ERBIN: variants seen among roughly 807,000 people sequenced by gnomAD.
The protein encoded by ERBIN is densin-180-like protein.
In ERBIN, 60 loss-of-function variants were observed where a neutral mutation model predicts 158.4. The ratio of observed to expected loss-of-function variants is 0.38; its 90% CI spans 0.31 to 0.47. The LOEUF (loss-of-function observed/expected upper bound fraction) is 0.47. Among genes scored for constraint, ERBIN ranks in the 20% least tolerant of loss-of-function variants. The pLI, the probability that ERBIN is intolerant of heterozygous loss-of-function variation, is 0.99. For synonymous variants in ERBIN, 594 were observed against 557.2 expected (o/e 1.07, Z -0.93); for missense variants, 1,610 against 1,648.0 (o/e 0.98, Z 0.40).
chr5:65,982,286 A>C (rs773858510), intron 1 of ERBIN, among the ~76,000 whole-genome samples: 2 of 152,214 alleles, frequency 1.3e-5, no homozygotes, highest in Non-Finnish European at 2.9e-5. Context: ...TAACCTGTCC[A>C]TCCTCTCCTC....
intron 4 of ERBIN, among the ~76,000 whole-genome samples, chr5:66,008,433 A>AT (rs1753851907): frequency 6.6e-6 from 1 of 152,142 alleles, no homozygotes; most frequent in South Asian, 2.1e-4. Flanking sequence ...TAAATAAATA[A>AT]TTATGAAGTA....
intron 14 of ERBIN, among the ~76,000 whole-genome samples, chr5:66,031,531 T>C (rs1756876398): frequency 6.6e-6 from 1 of 152,214 alleles, no homozygotes; most frequent in Non-Finnish European, 1.5e-5. Context: ...GCCTGAATTA[T>C]CTCTCAAAAG....
chr5:66,072,289 A>G lies in ERBIN; in HGVS notation c.3754A>G (p.Lys1252Glu). The change falls in exon 22 of 26, where the codon AAA becomes GAA. Residue 1252 changes from lysine (K) to glutamate (E), a missense_variant and splice_region_variant. Around this residue, in one of 2 missense-constraint regions of ERBIN, gnomAD observed 1,014 missense variants for 936.1 expected, o/e 1.08. Coordinates refer to ENST00000284037, the MANE Select transcript of ERBIN (RefSeq NM_001253697.2). Reference sequence around the variant, plus strand: ...AGATGTTCCTCCAGACAGCTTGATGAAAGTGGGTGCTCGGGAAAACAAAAT... The same window carrying G: ...AGATGTTCCTCCAGACAGCTTGATGGAAGTGGGTGCTCGGGAAAACAAAAT... ...HKDVPPDSLM[K>E]MPLSNGQMGQ... The G allele has an allele frequency of 1.3e-6, 2 of 1,549,986 alleles. No individual in the cohort carries two copies. The highest frequency in any genetic ancestry group is 2.4e-5 in the East Asian group (1 of 40,834).
chr5:65,991,008 G>C (rs947158573), intron 2 of ERBIN, among the ~76,000 whole-genome samples: 4 of 152,042 alleles, frequency 2.6e-5, no homozygotes, highest in African/African-American at 9.7e-5. Flanking sequence ...TGCCTGCCTT[G>C]GTCTCCCAAA....
At chr5:65,980,345 G>A (rs1750517291) in intron 1 of ERBIN, among the ~76,000 whole-genome samples, 1 of 151,966 alleles carries the variant, frequency 6.6e-6, no homozygotes, top group Non-Finnish European at 1.5e-5. Context: ...GGAGAATCGG[G>A]TGAACCTGGG....
intron 4 of ERBIN, among the ~76,000 whole-genome samples, chr5:66,002,614 A>G (rs1268351165): frequency 1.3e-5 from 2 of 152,214 alleles, no homozygotes; most frequent in South Asian, 2.1e-4. Context: ...TAACCAAGGT[A>G]TTTCTTTTTA....
intron 21 of ERBIN, among the ~76,000 whole-genome samples, chr5:66,066,341 T>G (rs999529705): frequency 2.6e-5 from 4 of 152,090 alleles, no homozygotes; most frequent in African/African-American, 9.7e-5. Context: ...AATGGCAAAG[T>G]AGACATTTAA....
intron 7 of ERBIN, among the ~76,000 whole-genome samples, chr5:66,019,729 A>G (rs1226184110): frequency 2.0e-5 from 3 of 152,106 alleles, no homozygotes; most frequent in Non-Finnish European, 4.4e-5. Context: ...TATCATCTGT[A>G]ATTGAATTTT....
Position 65,992,925 on chromosome 5 carries a change from T to C in ERBIN, c.189+18T>C. 6.7e-7 allele frequency: 1 copy of C among 1,502,472 alleles called. No individual in the cohort carries two copies. The highest frequency in any genetic ancestry group is 8.9e-7 in the Non-Finnish European group (1 of 1,117,896). 93.1% of individuals were successfully genotyped at this position (1,502,472 alleles called of 1,614,324 possible). On this transcript the variant is annotated intron_variant, in intron 3 of 25. Transcript: ENST00000284037. The stretch of plus-strand genomic sequence containing the variant: ...TTCCAAAGGTATGCTAATACTTTCT[T>C]TCAAGAATTATCTTTGGTTATTTTT...
intron 14 of ERBIN, among the ~76,000 whole-genome samples, chr5:66,031,977 G>C (rs552215928): frequency 6.6e-6 from 1 of 151,888 alleles, no homozygotes; most frequent in Non-Finnish European, 1.5e-5. Flanking sequence ...GAGTATCTGG[G>C]ATTATAGGCC....
intron 1 of ERBIN, among the ~76,000 whole-genome samples, chr5:65,973,269 G>A (rs544984938): frequency 2.5e-4 from 38 of 151,100 alleles, no homozygotes; most frequent in Admixed American, 9.9e-4. Flanking sequence ...GGGGGGAGCG[G>A]GGAGGGAAAG....
intron 1 of ERBIN, among the ~76,000 whole-genome samples, chr5:65,959,832 G>A (rs565715896): frequency 6.6e-6 from 1 of 152,158 alleles, no homozygotes; most frequent in African/African-American, 2.4e-5. Flanking sequence ...TTCTTGACTG[G>A]AACAAAGAAC....
At chr5:66,012,962 A>C (rs983867013) in intron 5 of ERBIN, among the ~76,000 whole-genome samples, 4 of 152,338 alleles carry the variant, frequency 2.6e-5, no homozygotes, top group South Asian at 4.1e-4. Flanking sequence ...AATCTAAACC[A>C]GTGGTTCTCA....
intron 1 of ERBIN, among the ~76,000 whole-genome samples, chr5:65,953,218 TTGG>T (rs777960549): frequency 6.6e-6 from 1 of 152,232 alleles, no homozygotes; most frequent in Non-Finnish European, 1.5e-5. Flanking sequence ...CAGTTGACTC[TTGG>T]TACCCTTCAA....
chr5:66,012,019 C>T (rs761526197), intron 4 of ERBIN, 30 bp from the exon 5 acceptor site: 3 of 1,406,622 alleles, frequency 2.1e-6, no homozygotes, highest in South Asian at 2.4e-5. Context: ...TGTAATAGAT[C>T]TTTTAATTTG....
At chr5:66,003,064 A>T (rs908169076) in intron 4 of ERBIN, among the ~76,000 whole-genome samples, 1 of 152,210 alleles carries the variant, frequency 6.6e-6, no homozygotes, top group Non-Finnish European at 1.5e-5. Context: ...ATCTGGTCCA[A>T]ATCATACATG....
chr5:66,015,662 C>A (rs1351135093), intron 7 of ERBIN, among the ~76,000 whole-genome samples: 1 of 152,088 alleles, frequency 6.6e-6, no homozygotes, highest in Non-Finnish European at 1.5e-5. Context: ...AAAGCGAGAC[C>A]CCCATCTCTA....
At position 66,078,986 on chromosome 5, in the gene ERBIN, A is replaced by G. The variant is rs1762251113; in HGVS notation, c.*456A>G. ...TGAAACTACTTTTTTTGATGTGGGC[A>G]AGAGATTTGAAGTGTTGGCTTTTGC... On this transcript the variant is annotated 3_prime_UTR_variant, in exon 26 of 26. Coordinates refer to ENST00000284037, the MANE Select transcript of ERBIN (RefSeq NM_001253697.2). 1 of 159,604 alleles carries G rather than the reference A, an allele frequency of 6.3e-6. No homozygotes were observed. The highest frequency in any genetic ancestry group is 2.4e-5 in the African/African-American group (1 of 41,470). The allele number at this position is 159,604 out of a possible 1,614,324, so 9.9% of individuals were successfully genotyped here.
intron 6 of ERBIN, 63 bp from the exon 7 acceptor site, chr5:66,014,606 G>A: frequency 1.3e-6 from 1 of 787,262 alleles, no homozygotes; most frequent in Admixed American, 3.0e-5. Context: ...ATTAGAATAT[G>A]AAATTAATTT....
Sources: gnomAD v4.1 joint callset for allele counts (sites outside exome capture counted in the v4.1 genomes callset) on GRCh38, gnomAD v4.1.1 for gene constraint, gnomAD v4.1.1 regional missense constraint, MANE v1.5 for transcripts, NCBI Gene and HGNC (gene_info 2026-07-23, HGNC 2026-07-21) for gene names.